ZNF385D: variants seen among roughly 807,000 people sequenced by gnomAD.
ZNF385D encodes the protein zinc finger protein 385D.
Under a neutral mutation model 35.8 loss-of-function variants are expected in ZNF385D, and 15 were observed. The observed-to-expected ratio is 0.42, with a 90% CI of 0.28 to 0.64. ZNF385D has a LOEUF of 0.64. ZNF385D is among the 30% of genes least tolerant of loss of function. The probability of loss-of-function intolerance (pLI) is 0.23; values close to 1 mark genes in which losing one functional copy is unlikely to be tolerated. For missense variants in ZNF385D, 474 were observed against 494.6 expected (o/e 0.96, Z 0.39); for synonymous variants, 212 against 186.8 (o/e 1.13, Z -1.10).
intron 3 of ZNF385D, among the ~76,000 whole-genome samples, chr3:21,931,633 C>T (rs1701012613): frequency 6.6e-6 from 1 of 152,070 alleles, no homozygotes; most frequent in South Asian, 2.1e-4. Flanking sequence ...ACATACTATG[C>T]TATTGAGAGA....
intron 3 of ZNF385D, among the ~76,000 whole-genome samples, chr3:22,157,162 C>A (rs1218011808): frequency 6.6e-6 from 1 of 152,086 alleles, no homozygotes; most frequent in Non-Finnish European, 1.5e-5. Flanking sequence ...ACTGGCCCTA[C>A]CTCTTTCCAG....
intron 3 of ZNF385D, among the ~76,000 whole-genome samples, chr3:21,780,551 G>A (rs2071450132): frequency 6.6e-6 from 1 of 152,044 alleles, no homozygotes; most frequent in Admixed American, 6.6e-5. Context: ...TTCAGAGTGA[G>A]TTTGTTGAGC....
At chr3:21,815,344 C>A (rs1033711996) in intron 3 of ZNF385D, among the ~76,000 whole-genome samples, 1 of 152,060 alleles carries the variant, frequency 6.6e-6, no homozygotes, top group African/African-American at 2.4e-5. Context: ...CAGAGCAGAA[C>A]TGAAGGAGAT....
At chr3:21,989,135 C>T (rs1018467983) in intron 3 of ZNF385D, among the ~76,000 whole-genome samples, 1 of 152,156 alleles carries the variant, frequency 6.6e-6, no homozygotes, top group African/African-American at 2.4e-5. Flanking sequence ...ACGCTGGGAG[C>T]TGTAGACCGG....
At chr3:21,743,045 T>C (rs1018497571) in intron 1 of ZNF385D, among the ~76,000 whole-genome samples, 2 of 152,318 alleles carry the variant, frequency 1.3e-5, no homozygotes, top group East Asian at 1.9e-4. Context: ...AACATTATTA[T>C]ATTATTATTA....
intron 2 of ZNF385D, among the ~76,000 whole-genome samples, chr3:21,636,397 TATATATATATATATATA>T (rs1040049256): frequency 3.2e-4 from 13 of 40,388 alleles, no homozygotes; most frequent in East Asian, 8.5e-4. Flanking sequence ...TATATATATA[TATATATATATATATATA>T]GAGTTTCTTA....
At chr3:21,850,566 C>T (rs1340266224) in intron 3 of ZNF385D, among the ~76,000 whole-genome samples, 1 of 152,018 alleles carries the variant, frequency 6.6e-6, no homozygotes, top group Non-Finnish European at 1.5e-5. Context: ...TGGCTGAATG[C>T]TAAATTAAAT....
rs899044762 is a variant in ZNF385D at position 21,419,526 on chromosome 3, A to AT, written c.*1687dup. On this transcript the variant is annotated 3_prime_UTR_variant, in exon 8 of 8. Transcript: ENST00000281523. ...AAGGCCACACCCAATCCTTCCCTAT[A>AT]TTTTTAAATAGTCTTTAGAAAACCT... is the stretch of plus-strand genomic sequence containing the variant. The AT allele has an allele frequency of 1.4e-4, 22 of 152,092 alleles. No homozygotes were observed. Among genetic ancestry groups the AT allele is most frequent in the African/African-American group, 5.3e-4 (22 of 41,430 alleles). 9.4% of individuals were successfully genotyped at this position (152,092 alleles called of 1,614,324 possible).
At chr3:21,656,047 G>A (rs1362758164) in intron 2 of ZNF385D, among the ~76,000 whole-genome samples, 1 of 151,810 alleles carries the variant, frequency 6.6e-6, no homozygotes, top group African/African-American at 2.4e-5. Context: ...CAGGGTAGGG[G>A]GTGCTAAACT....
intron 3 of ZNF385D, among the ~76,000 whole-genome samples, chr3:22,020,093 T>C (rs1697135276): frequency 6.6e-6 from 1 of 151,902 alleles, no homozygotes; most frequent in Admixed American, 6.6e-5. Context: ...AATATTTTGG[T>C]TAAAAAGAAT....
At chr3:22,186,985 T>A (rs1215487559) in intron 2 of ZNF385D, among the ~76,000 whole-genome samples, 1 of 152,162 alleles carries the variant, frequency 6.6e-6, no homozygotes, top group Non-Finnish European at 1.5e-5. Context: ...AATTTACAGA[T>A]GAGAAAACTG....
At chr3:22,085,093 T>C (rs1043699754) in intron 3 of ZNF385D, among the ~76,000 whole-genome samples, 2 of 152,210 alleles carry the variant, frequency 1.3e-5, no homozygotes, top group African/African-American at 2.4e-5. Flanking sequence ...GAGGGAAATT[T>C]ATAGCACTAA....
intron 2 of ZNF385D, among the ~76,000 whole-genome samples, chr3:21,568,012 A>G (rs1390621118): frequency 6.6e-6 from 1 of 152,170 alleles, no homozygotes; most frequent in Admixed American, 6.6e-5. Context: ...TTCAAAATGC[A>G]AAGTGGTATA....
chr3:22,320,413 C>T (rs1694358462), intron 2 of ZNF385D, among the ~76,000 whole-genome samples: 1 of 151,562 alleles, frequency 6.6e-6, no homozygotes, highest in South Asian at 2.1e-4. Context: ...TTGCTTATTT[C>T]CTTGTTTTTG....
intron 2 of ZNF385D, among the ~76,000 whole-genome samples, chr3:22,214,872 T>G (rs934859454): frequency 2.0e-5 from 2 of 100,566 alleles, no homozygotes; most frequent in African/African-American, 8.5e-5. Context: ...CCTTGTGATA[T>G]TCTATTACCT....
intron 4 of ZNF385D, among the ~76,000 whole-genome samples, chr3:21,446,360 A>G (rs185317449): frequency 1.3e-5 from 2 of 152,272 alleles, no homozygotes; most frequent in South Asian, 2.1e-4. Flanking sequence ...TTCCTGCGAC[A>G]TGGGACTTTC....
At chr3:21,534,458 A>C (rs2061992384) in intron 3 of ZNF385D, among the ~76,000 whole-genome samples, 1 of 152,044 alleles carries the variant, frequency 6.6e-6, no homozygotes, top group East Asian at 1.9e-4. Flanking sequence ...CAAACACAAA[A>C]AAATTGGAAC....
intron 3 of ZNF385D, among the ~76,000 whole-genome samples, chr3:22,026,258 C>A (rs570730717): frequency 8.0e-4 from 122 of 152,272 alleles, no homozygotes; most frequent in African/African-American, 2.7e-3. Flanking sequence ...AGACTTGACC[C>A]AGTTTACAGA....
At chr3:22,222,336 GA>G (rs900049462) in intron 2 of ZNF385D, among the ~76,000 whole-genome samples, 2 of 148,546 alleles carry the variant, frequency 1.3e-5, no homozygotes, top group African/African-American at 5.0e-5. Flanking sequence ...TTCAAAAAAA[GA>G]AAAAAAAATC....
Sources: gnomAD v4.1 joint callset for allele counts (sites outside exome capture counted in the v4.1 genomes callset) on GRCh38, gnomAD v4.1.1 for gene constraint, MANE v1.5 for transcripts, NCBI Gene and HGNC (gene_info 2026-07-23, HGNC 2026-07-21) for gene names.